The following RHBDD1 variants were observed in gnomAD, a reference collection of about 807,000 sequenced individuals.
RHBDD1 encodes rhomboid domain containing 1.
In RHBDD1, 38 loss-of-function variants were observed where a neutral mutation model predicts 36.3. The ratio of observed to expected loss-of-function variants is 1.05; its 90% CI spans 0.81 to 1.37. The LOEUF is 1.37. Ranked by LOEUF, RHBDD1 falls within the 40% of genes most tolerant of loss-of-function variation. RHBDD1 has a pLI of 0.00. For synonymous variants in RHBDD1, 151 were observed against 136.5 expected (o/e 1.11, Z -0.74); for missense variants, 393 against 377.6 (o/e 1.04, Z -0.34).
intron 5 of RHBDD1, among the ~76,000 whole-genome samples, chr2:226,871,794 T>A (rs1944820239): frequency 6.6e-6 from 1 of 152,364 alleles, no homozygotes; most frequent in Admixed American, 6.5e-5. Context: ...ATAGGGATGA[T>A]ACATGTTGCA....
intron 3 of RHBDD1, among the ~76,000 whole-genome samples, chr2:226,840,036 A>G (rs1941437048): frequency 6.6e-6 from 1 of 152,230 alleles, no homozygotes; most frequent in African/African-American, 2.4e-5. Flanking sequence ...ATGAGCCTTC[A>G]TAAGAAAAAT....
At chr2:226,962,968 T>G (rs1952325189) in intron 8 of RHBDD1, among the ~76,000 whole-genome samples, 1 of 152,156 alleles carries the variant, frequency 6.6e-6, no homozygotes, top group Admixed American at 6.5e-5. Flanking sequence ...ATTGGAACTT[T>G]GGGCTGGATG....
At chr2:226,879,094 A>G (rs1243222919) in intron 5 of RHBDD1, among the ~76,000 whole-genome samples, 1 of 150,768 alleles carries the variant, frequency 6.6e-6, no homozygotes, top group East Asian at 1.9e-4. Context: ...AAAAAAACAG[A>G]CATAGAAATA....
At chr2:226,829,043 A>T in the RHBDD1 span, among the ~76,000 whole-genome samples, 4 of 152,142 alleles carry the variant, frequency 2.6e-5, no homozygotes, top group African/African-American at 9.7e-5. Flanking sequence ...ATTTAAGCCT[A>T]TGATCCCTTT....
At chr2:226,803,512 A>G in the RHBDD1 span, among the ~76,000 whole-genome samples, 1 of 152,210 alleles carries the variant, frequency 6.6e-6, no homozygotes, top group Non-Finnish European at 1.5e-5. Context: ...TACTTGTGTT[A>G]GGCACTAGGC....
intron 8 of RHBDD1, among the ~76,000 whole-genome samples, chr2:226,984,293 C>G (rs1226278185): frequency 6.6e-6 from 1 of 152,220 alleles, no homozygotes; most frequent in African/African-American, 2.4e-5. Flanking sequence ...AAATTTATTT[C>G]TCACGGTTCT....
chr2:226,827,618 T>G, the RHBDD1 span, among the ~76,000 whole-genome samples: 4 of 152,248 alleles, frequency 2.6e-5, no homozygotes, highest in Admixed American at 2.0e-4. Context: ...AGTATTGAAA[T>G]GCCAGCTCTA....
intron 3 of RHBDD1, among the ~76,000 whole-genome samples, chr2:226,844,389 G>C (rs911361207): frequency 6.6e-6 from 1 of 151,924 alleles, no homozygotes; most frequent in Non-Finnish European, 1.5e-5. Context: ...GCCCTAAGCT[G>C]TTCCCTATCA....
At position 226,912,488 on chromosome 2, in the gene RHBDD1, G is replaced by A. The variant is rs116468486; in HGVS notation, c.713-1720G>A. ...CAGTTGACACATGGATAAACAAAAT[G>A]TGGTATAAGCCATACAGTGGAATAT... On this transcript the variant is annotated intron_variant, in intron 7 of 8. Transcript: ENST00000392062. 7.4e-3 allele frequency among the ~76,000 whole-genome samples: 1,124 copies of A among 152,168 alleles called. 12 individuals carry two copies. The highest frequency in any genetic ancestry group is 0.043 in the South Asian group (207 of 4,828).
intron 5 of RHBDD1, among the ~76,000 whole-genome samples, chr2:226,905,971 AC>A (rs59010413): frequency 0.44 from 65,576 of 150,504 alleles, 14,312 homozygotes; most frequent in South Asian, 0.5. Context: ...GTTGTGTAGG[AC>A]CCCCCCCTTT....
intron 3 of RHBDD1, among the ~76,000 whole-genome samples, chr2:226,857,098 T>A (rs1031611492): frequency 2.6e-5 from 2 of 75,516 alleles, no homozygotes; most frequent in Non-Finnish European, 4.4e-5. Flanking sequence ...TGTAAGAGAG[T>A]GTGTGTGTGT....
chr2:226,844,420 C>G (rs991294901), intron 3 of RHBDD1, among the ~76,000 whole-genome samples: 4 of 152,184 alleles, frequency 2.6e-5, no homozygotes, highest in African/African-American at 9.7e-5. Flanking sequence ...TGTGGACATC[C>G]CATGTGGTTT....
the RHBDD1 span, among the ~76,000 whole-genome samples, chr2:226,800,476 A>G: frequency 6.6e-6 from 1 of 152,208 alleles, no homozygotes; most frequent in Non-Finnish European, 1.5e-5. Flanking sequence ...AAAGGAGAAC[A>G]GGGATCCCCA....
the RHBDD1 span, among the ~76,000 whole-genome samples, chr2:226,812,130 G>A: frequency 2.0e-5 from 3 of 152,232 alleles, no homozygotes; most frequent in African/African-American, 4.8e-5. Context: ...CCCTGCTAAT[G>A]CAGATAGATT....
Position 226,996,541 on chromosome 2 carries a change from G to A in RHBDD1, c.*1019G>A, listed in dbSNP as rs1320978520. 6.6e-6 allele frequency: 1 copy of A among 152,198 alleles called. No homozygotes were observed. Among genetic ancestry groups the A allele is most frequent in the Non-Finnish European group, 1.5e-5 (1 of 68,036 alleles). 9.4% of individuals were successfully genotyped at this position (152,198 alleles called of 1,614,324 possible). On this transcript the variant is annotated 3_prime_UTR_variant, in exon 9 of 9. Transcript: ENST00000392062. ...AGGACAAAGTCAGAAGATCACTGAT[G>A]TCTTACTGTCAACAGAGATATTTTA...
chr2:226,843,650 G>A lies in RHBDD1; in HGVS notation c.-91+4023G>A, dbSNP rs1414319799. On this transcript the variant is annotated intron_variant, in intron 3 of 8. Coordinates refer to ENST00000392062, the MANE Select transcript of RHBDD1 (RefSeq NM_001167608.3). ...GATCGTGGTAGATAAGTTTTTTGAT[G>A]TGCTGGTGGATGCAGTTTGCCAGTA... 2.0e-5 allele frequency among the ~76,000 whole-genome samples: 3 copies of A among 152,134 alleles called. No individual in the cohort carries two copies. The East Asian group carries it at 5.8e-4, about 29-fold the overall frequency.
intron 5 of RHBDD1, among the ~76,000 whole-genome samples, chr2:226,886,480 C>T (rs983978122): frequency 5.3e-5 from 8 of 152,150 alleles, no homozygotes; most frequent in African/African-American, 1.9e-4. Context: ...TGTAGAAGAC[C>T]TGAAAACGCG....
At chr2:226,960,057 T>C (rs1462599445) in intron 8 of RHBDD1, among the ~76,000 whole-genome samples, 6 of 152,190 alleles carry the variant, frequency 3.9e-5, no homozygotes, top group Non-Finnish European at 8.8e-5. Flanking sequence ...ACTCCTGACC[T>C]TGTAATCTGC....
chr2:226,939,777 A>C (rs374853115), intron 8 of RHBDD1, among the ~76,000 whole-genome samples: 1 of 152,218 alleles, frequency 6.6e-6, no homozygotes, highest in East Asian at 1.9e-4. Context: ...TTTAAAATTC[A>C]TATGGAGCCA....
Sources: gnomAD v4.1 joint callset for allele counts (sites outside exome capture counted in the v4.1 genomes callset) on GRCh38, gnomAD v4.1.1 for gene constraint, MANE v1.5 for transcripts, NCBI Gene and HGNC (gene_info 2026-07-23, HGNC 2026-07-21) for gene names.